The following SYT15 variants were observed in gnomAD, a reference collection of about 807,000 sequenced individuals.
SYT15 encodes synaptotagmin-15.
Under a neutral mutation model 30.1 loss-of-function variants are expected in SYT15, and 4 were observed. The observed-to-expected ratio is 0.13, with a 90% CI of 0.07 to 0.30. SYT15 has a LOEUF of 0.30. Ranked by LOEUF, SYT15 falls within the 10% of genes least tolerant of loss-of-function variation. The pLI is 1.00. For synonymous variants in SYT15, 19 were observed against 166.3 expected (o/e 0.11, Z 6.82); for missense variants, 49 against 371.7 (o/e 0.13, Z 7.14).
chr10:46,581,769 TG>T, intron 3 of SYT15, 126 bp from the exon 4 acceptor site: 1 of 558,842 alleles, frequency 1.8e-6, no homozygotes, highest in Non-Finnish European at 2.9e-6. Flanking sequence ...GGGGCAGATG[TG>T]GTCAGGCTAG....
rs1375517088 is a variant in SYT15, at chr10:46,590,668, C to T, written c.*3021C>T. 1.4e-5 allele frequency: 2 copies of T among 143,898 alleles called. No individual in the cohort carries two copies. The highest frequency in any genetic ancestry group is 2.7e-5 in the African/African-American group (1 of 37,444). The allele number at this position is 143,898 out of a possible 1,614,324, so 8.9% of individuals were successfully genotyped here. On this transcript the variant is annotated 3_prime_UTR_variant, in exon 8 of 8. Coordinates refer to ENST00000374321, the MANE Select transcript of SYT15 (RefSeq NM_031912.5). ...GTGATAGTGGGTATTCTTGTCTCAT[C>T]CTCAATCTCAGGGGTGGTGGGTGTG...
At chr10:46,593,277 T>C (rs1368027300), downstream of SYT15, 6 of 143,920 alleles carry the variant, frequency 4.2e-5, 1 homozygote, top group Non-Finnish European at 9.1e-5. Flanking sequence ...TCCTTGTCTT[T>C]CATTTGCAGC....
chr10:46,586,757 A>T (rs1425661803), intron 7 of SYT15, among the ~76,000 whole-genome samples: 5 of 112,042 alleles, frequency 4.5e-5, no homozygotes, highest in South Asian at 3.2e-4. Flanking sequence ...AAGCAGAAGA[A>T]TCACTTGAAC....
chr10:46,594,690 T>A (rs1477910719), downstream of SYT15, among the ~76,000 whole-genome samples: 3 of 131,676 alleles, frequency 2.3e-5, 1 homozygote, highest in Non-Finnish European at 4.8e-5. Context: ...GCACGTTTCC[T>A]GAAGGGAAAA....
intron 7 of SYT15, among the ~76,000 whole-genome samples, chr10:46,586,819 T>G (rs1845009995): frequency 2.2e-5 from 1 of 44,832 alleles, no homozygotes; most frequent in Non-Finnish European, 3.9e-5. Context: ...CACTCCAGCC[T>G]GTCCACAGAG....
chr10:46,579,491 CAG>C (rs1843913971), intron 1 of SYT15, among the ~76,000 whole-genome samples: 1 of 130,352 alleles, frequency 7.7e-6, no homozygotes, highest in Non-Finnish European at 1.6e-5. Flanking sequence ...GGTTGGAACC[CAG>C]CGTCTGAGCA....
chr10:46,590,636 A>G lies in SYT15; in HGVS notation c.*2989A>G, dbSNP rs1482834660. The G allele has an allele frequency of 7.0e-6, 1 of 142,490 alleles. No homozygotes were observed. Among genetic ancestry groups the G allele is most frequent in the Non-Finnish European group, 1.5e-5 (1 of 65,590 alleles). The allele number at this position is 142,490 out of a possible 1,614,324, so 8.8% of individuals were successfully genotyped here. ...TAGGACCTCCAGCAGAATGCTGACT[A>G]TAAGTAGTGATAGTGGGTATTCTTG... On this transcript the variant is annotated 3_prime_UTR_variant, in exon 8 of 8. Transcript: ENST00000374321.
Position 46,588,197 on chromosome 10 carries a change from CTG to C in SYT15, c.*553_*554del, listed in dbSNP as rs555400251. 2.4e-3 allele frequency: 2,392 copies of C among 981,966 alleles called. No homozygotes were observed. The highest frequency in any genetic ancestry group is 4.4e-3 in the Admixed American group (71 of 16,248). 60.8% of individuals were successfully genotyped at this position (981,966 alleles called of 1,614,324 possible). On this transcript the variant is annotated 3_prime_UTR_variant, in exon 8 of 8. Transcript: ENST00000374321. Reference sequence around the variant, plus strand: ...AGGCACCAAGTGTCGGCATGGCTCACTGTGCTGGGTGAAGGCCTCCCCGAGCA... The same window carrying C: ...AGGCACCAAGTGTCGGCATGGCTCACTGCTGGGTGAAGGCCTCCCCGAGCA...
downstream of SYT15, chr10:46,596,812 C>T: frequency 4.6e-6 from 2 of 437,784 alleles, no homozygotes; most frequent in Non-Finnish European, 9.1e-6. Context: ...AAGCCTGGGC[C>T]AGACTTGGGG....
rs782635319 is a variant in SYT15 at position 46,590,643 on chromosome 10, G to A, written c.*2996G>A. The A allele has an allele frequency of 7.0e-6, 1 of 143,220 alleles. No homozygotes were observed. The highest frequency in any genetic ancestry group is 2.0e-4 in the East Asian group (1 of 5,076). The allele number at this position is 143,220 out of a possible 1,614,324, so 8.9% of individuals were successfully genotyped here. A position where few individuals can be genotyped will look rare whatever the true frequency, so the allele number is the denominator to read the frequency against. ...TCCAGCAGAATGCTGACTATAAGTA[G>A]TGATAGTGGGTATTCTTGTCTCATC... On this transcript the variant is annotated 3_prime_UTR_variant, in exon 8 of 8. Transcript: ENST00000374321.
At chr10:46,584,809 A>G (rs1291671761) in intron 6 of SYT15, among the ~76,000 whole-genome samples, 194 bp downstream of exon 6, 1 of 149,318 alleles carries the variant, frequency 6.7e-6, no homozygotes, top group Non-Finnish European at 1.5e-5. Flanking sequence ...TGTTGAACCC[A>G]AAGCTGCATC....
At chr10:46,580,669 A>T (rs1216865210) in intron 2 of SYT15, among the ~76,000 whole-genome samples, 2 of 130,410 alleles carry the variant, frequency 1.5e-5, no homozygotes, top group East Asian at 4.3e-4. Flanking sequence ...TTCCTTCTTC[A>T]AATCCCACTG....
chr10:46,594,517 T>C (rs1456728155), downstream of SYT15, among the ~76,000 whole-genome samples: 1 of 140,018 alleles, frequency 7.1e-6, no homozygotes, highest in Non-Finnish European at 1.5e-5. Flanking sequence ...GTGTTCCTTT[T>C]CTGTGTCTCC....
chr10:46,593,227 G>A (rs1451318595), downstream of SYT15: 7 of 137,778 alleles, frequency 5.1e-5, 1 homozygote, highest in Non-Finnish European at 9.3e-5. Context: ...AAGAAGAAAT[G>A]TGTCCCTCCT....
chr10:46,593,384 A>G (rs1311089383), downstream of SYT15: 1 of 143,960 alleles, frequency 6.9e-6, no homozygotes, highest in African/African-American at 2.7e-5. Flanking sequence ...TGAGGTCAGA[A>G]GTTTGAGACC....
rs368809599 is a variant in SYT15 at position 46,582,123 on chromosome 10, C to T, written c.583C>T (p.Arg195Cys). ...VKLYLLPDER[R>C]FLQSKTKRKT... ...GCTCTACCTGCTGCCCGATGAGCGGCGCTTCCTCCAATCCAAGACCAAACG... is the reference window on the plus strand; with the variant it reads ...GCTCTACCTGCTGCCCGATGAGCGGTGCTTCCTCCAATCCAAGACCAAACG... Residue 195 changes from arginine to cysteine, a missense_variant, in exon 4 of 8, where the codon CGC becomes TGC. Physicochemically the swap from Arg to Cys is radical, Grantham distance 180 (BLOSUM62 -3). Transcript: ENST00000374321. 82 of 1,600,426 alleles carry T rather than the reference C, an allele frequency of 5.1e-5. No homozygotes were observed. In the African/African-American group the frequency reaches 6.1e-4, roughly 12 times the overall value.
intron 5 of SYT15, among the ~76,000 whole-genome samples, chr10:46,584,283 CCTT>C (rs1844591776): frequency 6.6e-6 from 1 of 151,838 alleles, no homozygotes; most frequent in African/African-American, 2.4e-5. Flanking sequence ...GGGTGTGACT[CCTT>C]AGCTCTGGTC....
downstream of SYT15, chr10:46,596,367 A>AT: frequency 6.7e-6 from 1 of 149,738 alleles, no homozygotes; most frequent in Non-Finnish European, 1.5e-5. Flanking sequence ...GAAAACGATG[A>AT]TTTTTTAAAC....
chr10:46,586,545 CAA>C (rs1160617773), intron 7 of SYT15, among the ~76,000 whole-genome samples: 6 of 94,908 alleles, frequency 6.3e-5, no homozygotes, highest in Admixed American at 1.0e-4. Flanking sequence ...GACTTCGTCT[CAA>C]AAAAAAAAAA....
Sources: allele counts gnomAD v4.1 joint callset (sites outside exome capture counted in the v4.1 genomes callset), GRCh38; gene constraint gnomAD v4.1.1; transcripts MANE v1.5; gene names NCBI Gene and HGNC (gene_info 2026-07-23, HGNC 2026-07-21).